The following ADAMTS12 variants were observed in gnomAD, a reference collection of about 807,000 sequenced individuals.
ADAMTS12 encodes the protein A disintegrin and metalloproteinase with thrombospondin motifs 12.
ADAMTS12 carries 118 observed loss-of-function variants against 167.8 expected under a neutral mutation model. The ratio of observed to expected loss-of-function variants is 0.70; its 90% confidence interval spans 0.61 to 0.82. The LOEUF (loss-of-function observed/expected upper bound fraction) is 0.82, where lower values mean the gene tolerates loss of function less well. Ranked by LOEUF, ADAMTS12 falls within the 40% of genes least tolerant of loss-of-function variation. The pLI is 0.00. For synonymous variants in ADAMTS12, 704 were observed against 716.9 expected (o/e 0.98, Z 0.29); for missense variants, 1,916 against 1,998.8 (o/e 0.96, Z 0.79).
rs138996285 is a variant in ADAMTS12, at chr5:33,626,554, G to A, written c.2023-2203C>T. 1.9e-3 allele frequency among the ~76,000 whole-genome samples: 283 copies of A among 151,496 alleles called. 1 individual carries two copies. The highest frequency in any genetic ancestry group is 3.4e-3 in the Middle Eastern group (1 of 292). ...TGGTGATTTAATGGTAATGATGGTGGTGGTGGTGGTGATGTGATGGTGGTG... is the reference window on the plus strand; with the variant it reads ...TGGTGATTTAATGGTAATGATGGTGATGGTGGTGGTGATGTGATGGTGGTG... On this transcript the variant is annotated intron_variant, in intron 13 of 23. Transcript: ENST00000504830.
intron 3 of ADAMTS12, among the ~76,000 whole-genome samples, chr5:33,708,482 A>G (rs948799343): frequency 5.3e-5 from 8 of 152,224 alleles, no homozygotes; most frequent in African/African-American, 1.9e-4. Context: ...TTCTACTATA[A>G]AGACACATGC....
chr5:33,702,560 A>G (rs1387785090), intron 3 of ADAMTS12, among the ~76,000 whole-genome samples: 1 of 152,218 alleles, frequency 6.6e-6, no homozygotes, highest in Non-Finnish European at 1.5e-5. Flanking sequence ...CTACTGTACA[A>G]TGAGCTTCAA....
chr5:33,628,674 C>T (rs995526539), intron 13 of ADAMTS12, among the ~76,000 whole-genome samples: 2 of 152,116 alleles, frequency 1.3e-5, no homozygotes, highest in Non-Finnish European at 2.9e-5. Flanking sequence ...GCTCAATCCC[C>T]TTTGAAAAAA....
At chr5:33,614,109 C>T in intron 16 of ADAMTS12, 129 bp downstream of exon 16, 1 of 1,293,312 alleles carries the variant, frequency 7.7e-7, no homozygotes, top group Non-Finnish European at 1.0e-6. Flanking sequence ...TCCGCAGAGG[C>T]CCCTGGCCAT....
chr5:33,683,795 T>G (rs1030533533), intron 4 of ADAMTS12, 64 bp downstream of exon 4: 4 of 1,275,382 alleles, frequency 3.1e-6, no homozygotes, highest in African/African-American at 1.5e-5. Flanking sequence ...CTTATTTATT[T>G]ATGTAAGCAT....
chr5:33,787,714 T>A (rs1746380237), intron 2 of ADAMTS12, among the ~76,000 whole-genome samples: 1 of 152,068 alleles, frequency 6.6e-6, no homozygotes, highest in African/African-American at 2.4e-5. Flanking sequence ...GCTGCCCACA[T>A]CCCCACTGCC....
At chr5:33,656,883 T>C (rs1213980200) in intron 7 of ADAMTS12, among the ~76,000 whole-genome samples, 2 of 152,200 alleles carry the variant, frequency 1.3e-5, no homozygotes, top group Admixed American at 1.3e-4. Context: ...CCTGCATCCC[T>C]AATTATTATT....
At chr5:33,775,411 C>CT (rs1250169043) in intron 2 of ADAMTS12, among the ~76,000 whole-genome samples, 2 of 152,074 alleles carry the variant, frequency 1.3e-5, no homozygotes, top group Non-Finnish European at 2.9e-5. Flanking sequence ...GCTCACAGCC[C>CT]TTACAGACAG....
intron 5 of ADAMTS12, among the ~76,000 whole-genome samples, chr5:33,679,964 G>GGCTGGAATCATTGCTGTCTGTTGTTGA (rs1561210743): frequency 6.6e-6 from 1 of 152,188 alleles, no homozygotes; most frequent in African/African-American, 2.4e-5. Flanking sequence ...ATTAGTTAAG[G>GGCTGGAATCATTGCTGTCTGTTGTTGA]GCTGGAATCA....
chr5:33,731,335 G>A (rs1258533334), intron 3 of ADAMTS12, among the ~76,000 whole-genome samples: 1 of 151,966 alleles, frequency 6.6e-6, no homozygotes, highest in African/African-American at 2.4e-5. Context: ...ACAGGTGTAA[G>A]CCACTGCACC....
At chr5:33,655,606 CTT>C (rs34629933) in intron 7 of ADAMTS12, among the ~76,000 whole-genome samples, 27,264 of 68,262 alleles carry the variant, frequency 0.4, 3,001 homozygotes, top group South Asian at 0.6. Context: ...TCGGGGTTGA[CTT>C]TTTTTTTTTT....
intron 18 of ADAMTS12, among the ~76,000 whole-genome samples, chr5:33,584,783 A>G (rs1429021491): frequency 2.6e-5 from 4 of 152,234 alleles, no homozygotes; most frequent in Non-Finnish European, 5.9e-5. Flanking sequence ...ATTACCACCT[A>G]TCATTACTAT....
At chr5:33,714,534 A>G (rs181507744) in intron 3 of ADAMTS12, among the ~76,000 whole-genome samples, 90 of 152,250 alleles carry the variant, frequency 5.9e-4, no homozygotes, top group African/African-American at 2.1e-3. Context: ...AAGAGCCAAG[A>G]TATGGAATCA....
intron 22 of ADAMTS12, among the ~76,000 whole-genome samples, chr5:33,537,767 G>A (rs1744488430): frequency 6.6e-6 from 1 of 152,182 alleles, no homozygotes; most frequent in African/African-American, 2.4e-5. Context: ...GCATTAGAGT[G>A]GATCAATGGC....
In ADAMTS12 at chr5:33,575,926, T is replaced by C. The variant is rs891423184; in HGVS notation, c.3972+128A>G. The C allele has an allele frequency of 9.1e-5, 124 of 1,366,652 alleles. No individual in the cohort carries two copies. In the African/African-American group the frequency reaches 1.6e-3, roughly 18 times the overall value. 84.7% of individuals were successfully genotyped at this position (1,366,652 alleles called of 1,614,324 possible). On this transcript the variant is annotated intron_variant, in intron 19 of 23. Transcript: ENST00000504830. ...AAGGAGGGAGGGGAGGGCATGGGTC[T>C]GATTGCTTCCTTTTGTTTTCACAAT...
In ADAMTS12 at chr5:33,806,961, T is replaced by C. The variant is rs186575534; in HGVS notation, c.490-55413A>G. Among the ~76,000 whole-genome samples the C allele has an allele frequency of 3.3e-5, 5 of 152,284 alleles. No individual in the cohort carries two copies. In the East Asian group the frequency reaches 5.8e-4, roughly 18 times the overall value. On this transcript the variant is annotated intron_variant, in intron 2 of 23. Transcript: ENST00000504830. ...ACTTCCCACTTGACTGCCTCTACGA[T>C]AGGTTAAAACTGCAGACCTACTCGT...
intron 3 of ADAMTS12, among the ~76,000 whole-genome samples, chr5:33,719,873 T>TTC (rs1743746988): frequency 1.3e-5 from 2 of 152,214 alleles, no homozygotes; most frequent in African/African-American, 4.8e-5. Flanking sequence ...GAAAAAATTG[T>TTC]TTTGAAAATT....
intron 7 of ADAMTS12, among the ~76,000 whole-genome samples, chr5:33,650,423 A>G (rs187680174): frequency 7.9e-5 from 12 of 152,364 alleles, no homozygotes; most frequent in Admixed American, 2.6e-4. Flanking sequence ...TTCACCAAGG[A>G]TAGAATTTTT....
At chr5:33,853,451 C>T (rs1399993981) in intron 2 of ADAMTS12, among the ~76,000 whole-genome samples, 1 of 152,112 alleles carries the variant, frequency 6.6e-6, no homozygotes, top group South Asian at 2.1e-4. Flanking sequence ...GCTATCCATG[C>T]CAAAGACACA....
Sources: allele counts gnomAD v4.1 joint callset (sites outside exome capture counted in the v4.1 genomes callset), GRCh38; gene constraint gnomAD v4.1.1; transcripts MANE v1.5; gene names NCBI Gene and HGNC (gene_info 2026-07-23, HGNC 2026-07-21).